SESTD1: variants seen among roughly 807,000 people sequenced by gnomAD.
The protein encoded by SESTD1 is SEC14 and spectrin domain containing 1.
In SESTD1, 43 loss-of-function variants were observed where a neutral mutation model predicts 101.7. The observed-to-expected ratio is 0.42, with a 90% CI of 0.33 to 0.55. The LOEUF is 0.55. Among genes scored for constraint, SESTD1 ranks in the 20% least tolerant of loss-of-function variants. SESTD1 has a pLI of 0.07. For synonymous variants in SESTD1, 283 were observed against 286.8 expected (o/e 0.99, Z 0.13); for missense variants, 647 against 815.1 (o/e 0.79, Z 2.51).
In SESTD1 at chr2:179,156,189, T is replaced by C. The variant is rs540956801; in HGVS notation, c.370-4798A>G. Among the ~76,000 whole-genome samples the C allele has an allele frequency of 2.6e-5, 4 of 152,264 alleles. No homozygotes were observed. The East Asian group carries it at 5.8e-4, about 22-fold the overall frequency. On this transcript the variant is annotated intron_variant, in intron 5 of 17. Transcript: ENST00000428443. ...ATATGTGTGTGTATATATACACATA[T>C]ATATATCACATATATACATCACAGT...
intron 2 of SESTD1, among the ~76,000 whole-genome samples, chr2:179,184,217 T>G (rs2046170786): frequency 6.6e-6 from 1 of 152,186 alleles, no homozygotes; most frequent in Non-Finnish European, 1.5e-5. Context: ...TCCTACATGT[T>G]TGAATTTCAT....
chr2:179,173,704 C>T lies in SESTD1; in HGVS notation c.256-1471G>A, dbSNP rs1024645823. On this transcript the variant is annotated intron_variant, in intron 4 of 17. Transcript: ENST00000428443. ...GAACCTGGGTTCAATACATTCTTTC[C>T]GAAAGGTCCAGATAATAAGTTATTC... Among the ~76,000 whole-genome samples the T allele has an allele frequency of 2.6e-5, 4 of 152,044 alleles. No individual in the cohort carries two copies. In the South Asian group the frequency reaches 6.2e-4, roughly 24 times the overall value.
At chr2:179,128,705 G>A (rs2044936274) in intron 10 of SESTD1, among the ~76,000 whole-genome samples, 1 of 149,118 alleles carries the variant, frequency 6.7e-6, no homozygotes, top group Non-Finnish European at 1.5e-5. Flanking sequence ...CTCCAGGCTG[G>A]CGAGAGAGCT....
intron 1 of SESTD1, among the ~76,000 whole-genome samples, chr2:179,199,383 G>A (rs2046464352): frequency 6.6e-6 from 1 of 152,130 alleles, no homozygotes; most frequent in South Asian, 2.1e-4. Context: ...GGTACAAGGA[G>A]GAACTGGGAC....
rs1378438403 is a variant in SESTD1, at chr2:179,204,805, G to C, written c.-25-12939C>G. ...TAAAACCTAAGAATTATAAAAAACA[G>C]TTTTGACCTCAGGGACTCCTGAAAG... On this transcript the variant is annotated intron_variant, in intron 1 of 17. Transcript: ENST00000428443. 3.0e-5 allele frequency among the ~76,000 whole-genome samples: 4 copies of C among 133,602 alleles called. 1 individual carries two copies. The highest frequency in any genetic ancestry group is 1.2e-4 in the African/African-American group (4 of 33,594). The allele number at this position is 133,602 out of a possible 152,430, so 87.6% of individuals were successfully genotyped here. A position where few individuals can be genotyped will look rare whatever the true frequency, so the allele number is the denominator to read the frequency against.
intron 9 of SESTD1, among the ~76,000 whole-genome samples, chr2:179,140,657 G>GT (rs2045258294): frequency 6.6e-6 from 1 of 152,154 alleles, no homozygotes; most frequent in Admixed American, 6.6e-5. Context: ...TTCAGAGACA[G>GT]TTATCAACGA....
rs201954223 is a variant in SESTD1 at position 179,187,201 on chromosome 2, G to A, written c.56-4013C>T. On this transcript the variant is annotated intron_variant, in intron 2 of 17. Coordinates refer to ENST00000428443, the MANE Select transcript of SESTD1 (RefSeq NM_178123.5). ...CCCACAGACCCTATAAAGCAACTAC[G>A]CAATTGAGACTACAAAGCAACCAGG... is the stretch of plus-strand genomic sequence containing the variant. Among the ~76,000 whole-genome samples the A allele has an allele frequency of 1.2e-4, 18 of 152,172 alleles. No homozygotes were observed. The East Asian group carries it at 1.4e-3, about 11-fold the overall frequency.
At chr2:179,133,764 C>A (rs1412898345) in intron 9 of SESTD1, among the ~76,000 whole-genome samples, 1 of 152,100 alleles carries the variant, frequency 6.6e-6, no homozygotes, top group Non-Finnish European at 1.5e-5. Flanking sequence ...ATTTCTAAAT[C>A]TAACAGTTTA....
chr2:179,193,586 T>C (rs1007214326), intron 1 of SESTD1, among the ~76,000 whole-genome samples: 5 of 152,226 alleles, frequency 3.3e-5, no homozygotes, highest in Non-Finnish European at 5.9e-5. Context: ...TAATTAACAT[T>C]GACTAAGTGT....
chr2:179,151,845 C>T (rs2045537144), intron 5 of SESTD1, among the ~76,000 whole-genome samples: 1 of 152,058 alleles, frequency 6.6e-6, no homozygotes, highest in Admixed American at 6.5e-5. Context: ...ATAAACAAAA[C>T]AAGTCCTCCG....
At chr2:179,117,976 A>G (rs1443073969) in intron 13 of SESTD1, among the ~76,000 whole-genome samples, 3 of 152,070 alleles carry the variant, frequency 2.0e-5, no homozygotes, top group Non-Finnish European at 4.4e-5. Context: ...CAAATACAGG[A>G]TGATATTTTT....
chr2:179,247,599 A>AT (rs1559161060), intron 1 of SESTD1, among the ~76,000 whole-genome samples: 13 of 6,626 alleles, frequency 2.0e-3, no homozygotes, highest in Admixed American at 9.3e-3. Flanking sequence ...TAATTTGTTA[A>AT]ATTTTTTTTT....
Position 179,101,822 on chromosome 2 carries a change from A to T in SESTD1, c.*8077T>A, listed in dbSNP as rs1161094627. ...GAGATGGATGGATACTCTAACATGT[A>T]AAGTAAACATGTCCATTAATAACAA... On this transcript the variant is annotated 3_prime_UTR_variant, in exon 18 of 18. Coordinates refer to ENST00000428443, the MANE Select transcript of SESTD1 (RefSeq NM_178123.5). 1 of 152,194 alleles carries T rather than the reference A, an allele frequency of 6.6e-6. No homozygotes were observed. Among genetic ancestry groups the T allele is most frequent in the Non-Finnish European group, 1.5e-5 (1 of 68,020 alleles). The allele number at this position is 152,194 out of a possible 1,614,324, so 9.4% of individuals were successfully genotyped here. A position where few individuals can be genotyped will look rare whatever the true frequency, so the allele number is the denominator to read the frequency against.
At chr2:179,112,892 C>A in intron 16 of SESTD1, 47 bp from the exon 17 acceptor site, 1 of 1,566,194 alleles carries the variant, frequency 6.4e-7, no homozygotes, top group South Asian at 1.2e-5. Context: ...ACAGACAGGT[C>A]TGCAGTTTCA....
chr2:179,168,169 C>T (rs1002487942), intron 5 of SESTD1, among the ~76,000 whole-genome samples: 3 of 152,078 alleles, frequency 2.0e-5, no homozygotes, highest in African/African-American at 7.2e-5. Flanking sequence ...ACAGTAAGAC[C>T]AACCCCTCCA....
In SESTD1 at chr2:179,102,348, A is replaced by T. The variant is rs1224644204; in HGVS notation, c.*7551T>A. 6.6e-6 allele frequency: 1 copy of T among 152,168 alleles called. No homozygotes were observed. The highest frequency in any genetic ancestry group is 1.5e-5 in the Non-Finnish European group (1 of 68,034). 9.4% of individuals were successfully genotyped at this position (152,168 alleles called of 1,614,324 possible). A position where few individuals can be genotyped will look rare whatever the true frequency, so the allele number is the denominator to read the frequency against. On this transcript the variant is annotated 3_prime_UTR_variant, in exon 18 of 18. Coordinates refer to ENST00000428443, the MANE Select transcript of SESTD1 (RefSeq NM_178123.5). Reference sequence around the variant, plus strand: ...GTTAGAAACAATTTAAACCTTTACAAAAAATAACTCAAATTGATTCAAAGA... The same window carrying T: ...GTTAGAAACAATTTAAACCTTTACATAAAATAACTCAAATTGATTCAAAGA...
chr2:179,171,942 A>G (rs559574370), intron 5 of SESTD1, among the ~76,000 whole-genome samples, 178 bp downstream of exon 5: 10 of 152,348 alleles, frequency 6.6e-5, no homozygotes, highest in South Asian at 6.2e-4. Flanking sequence ...CTTTAACAAA[A>G]TATCATACTT....
In SESTD1 at chr2:179,264,621, G is replaced by A; in HGVS notation, c.-148C>T. On this transcript the variant is annotated 5_prime_UTR_variant, in exon 1 of 18. Transcript: ENST00000428443. ...AGGAAGGCGGGCTGGGGGCGGAGCGGGCCCGGGCGGCGGCGGCAGCAGCGG... is the reference window on the plus strand; with the variant it reads ...AGGAAGGCGGGCTGGGGGCGGAGCGAGCCCGGGCGGCGGCGGCAGCAGCGG... 6.5e-6 allele frequency: 1 copy of A among 152,720 alleles called. No homozygotes were observed. The highest frequency in any genetic ancestry group is 1.8e-4 in the South Asian group (1 of 5,682). The allele number at this position is 152,720 out of a possible 1,614,324, so 9.5% of individuals were successfully genotyped here.
intron 1 of SESTD1, among the ~76,000 whole-genome samples, chr2:179,237,289 C>T (rs2047082561): frequency 6.6e-6 from 1 of 152,084 alleles, no homozygotes; most frequent in South Asian, 2.1e-4. Flanking sequence ...ATTAGCACTG[C>T]TTTTCCTGTC....
Sources: allele counts gnomAD v4.1 joint callset (sites outside exome capture counted in the v4.1 genomes callset), GRCh38; gene constraint gnomAD v4.1.1; transcripts MANE v1.5; gene names NCBI Gene and HGNC (gene_info 2026-07-23, HGNC 2026-07-21).